The following PSD2 variants were observed in gnomAD, a reference collection of about 807,000 sequenced individuals.
The protein encoded by PSD2 is pleckstrin and Sec7 domain containing 2.
In PSD2, 38 loss-of-function variants were observed where a neutral mutation model predicts 69.8. The ratio of observed to expected loss-of-function variants is 0.54; its 90% CI spans 0.42 to 0.71. The LOEUF (loss-of-function observed/expected upper bound fraction) is 0.71. Among genes scored for constraint, PSD2 ranks in the 30% least tolerant of loss-of-function variants. The pLI is 0.00. For missense variants in PSD2, 943 were observed against 1,014.5 expected (o/e 0.93, Z 0.96); for synonymous variants, 412 against 423.0 (o/e 0.97, Z 0.32).
At chr5:139,781,336 C>T in the PSD2 span, among the ~76,000 whole-genome samples, 254 of 151,776 alleles carry the variant, frequency 1.7e-3, no homozygotes, top group African/African-American at 5.6e-3. Context: ...ACATATCTCT[C>T]TCTTTTTTTT....
intron 4 of PSD2, 51 bp from the exon 5 acceptor site, chr5:139,817,430 A>C: frequency 6.5e-7 from 1 of 1,532,740 alleles, no homozygotes; most frequent in South Asian, 1.1e-5. Context: ...TGATTCTGTC[A>C]TCCTTGGGCT....
chr5:139,829,655 A>T (rs1167688467), intron 7 of PSD2, among the ~76,000 whole-genome samples: 1 of 152,182 alleles, frequency 6.6e-6, no homozygotes, highest in Admixed American at 6.5e-5. Context: ...ATGTTGTCGC[A>T]TGTATTAGTA....
At chr5:139,792,857 T>TC (rs1453704452), upstream of PSD2, among the ~76,000 whole-genome samples, 140 of 104,720 alleles carry the variant, frequency 1.3e-3, no homozygotes, top group Middle Eastern at 8.4e-3. Context: ...TTTCTTTCTG[T>TC]CTTTCCTTCC....
At chr5:139,766,475 G>T in the PSD2 span, among the ~76,000 whole-genome samples, 3 of 152,178 alleles carry the variant, frequency 2.0e-5, no homozygotes, top group Non-Finnish European at 4.4e-5. Flanking sequence ...ACAATATGGG[G>T]TTTTCTCTCC....
At chr5:139,753,738 G>C in the PSD2 span, among the ~76,000 whole-genome samples, 1 of 152,186 alleles carries the variant, frequency 6.6e-6, no homozygotes, top group Non-Finnish European at 1.5e-5. Flanking sequence ...CCTGCTCTCA[G>C]GACGCCTGCT....
the PSD2 span, among the ~76,000 whole-genome samples, chr5:139,785,961 C>T: frequency 6.6e-6 from 1 of 152,104 alleles, no homozygotes; most frequent in African/African-American, 2.4e-5. Flanking sequence ...TGGTGGCATA[C>T]ACCCGCGGTC....
At chr5:139,802,161 G>A (rs560338776) in intron 1 of PSD2, among the ~76,000 whole-genome samples, 15 of 148,692 alleles carry the variant, frequency 1.0e-4, no homozygotes, top group East Asian at 4.0e-4. Flanking sequence ...ATGAAGAGAC[G>A]CTACATAACA....
chr5:139,819,137 G>T (rs970957198), intron 5 of PSD2, among the ~76,000 whole-genome samples: 1 of 152,144 alleles, frequency 6.6e-6, no homozygotes, highest in African/African-American at 2.4e-5. Context: ...GTATAGAATT[G>T]TAGTGGTTCT....
intron 6 of PSD2, among the ~76,000 whole-genome samples, 175 bp from the exon 7 acceptor site, chr5:139,822,551 G>T (rs1450190309): frequency 1.3e-5 from 2 of 152,210 alleles, no homozygotes; most frequent in East Asian, 3.9e-4. Flanking sequence ...CAAGTGACTT[G>T]GGTCCTGCAG....
At chr5:139,825,702 A>T (rs982432635) in intron 7 of PSD2, among the ~76,000 whole-genome samples, 1 of 143,458 alleles carries the variant, frequency 7.0e-6, no homozygotes, top group Non-Finnish European at 1.5e-5. Context: ...GGTGAGTGGG[A>T]GAGGGGGACT....
the PSD2 span, among the ~76,000 whole-genome samples, chr5:139,744,517 C>T: frequency 2.0e-4 from 30 of 152,156 alleles, no homozygotes; most frequent in African/African-American, 6.5e-4. Flanking sequence ...AGCTGTGGCC[C>T]GGGCAGCTGT....
At chr5:139,791,448 C>G (rs1464708579), upstream of PSD2, among the ~76,000 whole-genome samples, 1 of 151,818 alleles carries the variant, frequency 6.6e-6, no homozygotes, top group African/African-American at 2.4e-5. Context: ...CAAAACAAAA[C>G]AAAACCAAAA....
chr5:139,757,026 A>C, the PSD2 span, among the ~76,000 whole-genome samples: 1 of 152,206 alleles, frequency 6.6e-6, no homozygotes, highest in Non-Finnish European at 1.5e-5. Context: ...AGAGGCACAG[A>C]GAGGGAAAGT....
In PSD2 at chr5:139,840,084, G is replaced by A. The variant is rs549742335; in HGVS notation, c.2026G>A (p.Glu676Lys). ...KLRQLTAELA[E>K]HRCHPVERGI... The stretch of plus-strand genomic sequence containing the variant: ...GAGGCAGCTGACTGCGGAGCTGGCC[G>A]AACACAGGTGTCACCCAGTCGAGAG... Residue 676 changes from glutamate to lysine, a missense_variant, in exon 14 of 15, where the codon GAA (glutamate) becomes AAA (lysine). Around this residue, in one of 3 missense-constraint regions of PSD2, gnomAD observed 165 missense variants for 168.8 expected, o/e 0.98. Coordinates refer to ENST00000274710, the MANE Select transcript of PSD2 (RefSeq NM_032289.4). 177 of 1,614,200 alleles carry A rather than the reference G, an allele frequency of 1.1e-4. No homozygotes were observed. The highest frequency in any genetic ancestry group is 2.9e-4 in the East Asian group (13 of 44,886).
At chr5:139,797,387 G>T (rs928011833) in intron 1 of PSD2, among the ~76,000 whole-genome samples, 1 of 152,212 alleles carries the variant, frequency 6.6e-6, no homozygotes, top group East Asian at 1.9e-4. Context: ...GGATGACTGG[G>T]TTGTCCTTGG....
the PSD2 span, among the ~76,000 whole-genome samples, chr5:139,785,073 CTT>C: frequency 1.3e-5 from 2 of 151,800 alleles, no homozygotes; most frequent in African/African-American, 4.8e-5. Context: ...TCTTTCTTGT[CTT>C]TTGTTCAACT....
chr5:139,764,950 C>T, the PSD2 span, among the ~76,000 whole-genome samples: 1 of 152,106 alleles, frequency 6.6e-6, no homozygotes, highest in African/African-American at 2.4e-5. Flanking sequence ...GAGGCACAGC[C>T]AGGGAAGTGC....
Position 139,814,055 on chromosome 5 carries a change from T to A in PSD2, c.822-115T>A. The A allele has an allele frequency of 2.0e-6, 2 of 987,594 alleles. No individual in the cohort carries two copies. Among genetic ancestry groups the A allele is most frequent in the Middle Eastern group, 5.7e-4 (2 of 3,488 alleles). 61.2% of individuals were successfully genotyped at this position (987,594 alleles called of 1,614,324 possible). On this transcript the variant is annotated intron_variant, in intron 3 of 14. Coordinates refer to ENST00000274710, the MANE Select transcript of PSD2 (RefSeq NM_032289.4). This position sits in a 1 kb window ranked among gnomAD's most constrained non-coding sequence, Gnocchi z 4.4. ...CCCTCCGGCTGCAGTGGAGCTTCTT[T>A]CCCTGTTCTGGCCCCTACATGGTTT... is the stretch of plus-strand genomic sequence containing the variant.
At chr5:139,747,370 C>G in the PSD2 span, among the ~76,000 whole-genome samples, 2 of 152,272 alleles carry the variant, frequency 1.3e-5, no homozygotes, top group East Asian at 1.9e-4. This position sits in a 1 kb window ranked among gnomAD's most constrained non-coding sequence, Gnocchi z 6.7. Flanking sequence ...AGCCTCCCCC[C>G]CAGCTGTTAA....
Sources: allele counts gnomAD v4.1 joint callset (sites outside exome capture counted in the v4.1 genomes callset), GRCh38; gene constraint gnomAD v4.1.1; regional missense constraint gnomAD v4.1.1; non-coding constraint Gnocchi (gnomAD v3.1); transcripts MANE v1.5; gene names NCBI Gene and HGNC (gene_info 2026-07-23, HGNC 2026-07-21).